The following CADM1 variants were observed in gnomAD, a reference collection of about 807,000 sequenced individuals.
The protein encoded by CADM1 is cell adhesion molecule 1.
CADM1 carries 15 observed loss-of-function variants against 53.1 expected under a neutral mutation model. That is an observed-to-expected ratio of 0.28 (90% CI 0.19 to 0.44). The LOEUF (loss-of-function observed/expected upper bound fraction) is 0.44, where lower values mean the gene tolerates loss of function less well. Among genes scored for constraint, CADM1 ranks in the 20% least tolerant of loss-of-function variants. CADM1 has a pLI of 1.00. For missense variants in CADM1, 434 were observed against 611.3 expected, an observed-to-expected ratio of 0.71 and a Z score of 3.06; for synonymous variants, 281 against 243.0, an observed-to-expected ratio of 1.16 and a Z score of -1.45.
chr11:115,431,151 A>G (rs563861342), intron 1 of CADM1, among the ~76,000 whole-genome samples: 2 of 152,328 alleles, frequency 1.3e-5, no homozygotes, highest in South Asian at 4.1e-4. Flanking sequence ...AAACTGGAAA[A>G]CAGATTGACA....
chr11:115,443,454 A>T (rs1205957722), intron 1 of CADM1, among the ~76,000 whole-genome samples: 1 of 152,204 alleles, frequency 6.6e-6, no homozygotes, highest in Non-Finnish European at 1.5e-5. Flanking sequence ...AATGGTTCCA[A>T]TCACAGCATT....
intron 1 of CADM1, among the ~76,000 whole-genome samples, chr11:115,438,726 A>T (rs1453970775): frequency 1.3e-5 from 2 of 152,122 alleles, no homozygotes; most frequent in Non-Finnish European, 2.9e-5. Context: ...TGATCAAAAA[A>T]AAAGGTCCAT....
chr11:115,341,939 T>C (rs376892397), intron 1 of CADM1, among the ~76,000 whole-genome samples: 1 of 152,310 alleles, frequency 6.6e-6, no homozygotes, highest in Non-Finnish European at 1.5e-5. Context: ...CACATTATTA[T>C]ACAAACTGGA....
chr11:115,378,096 T>C (rs1435571631), intron 1 of CADM1, among the ~76,000 whole-genome samples: 2 of 152,152 alleles, frequency 1.3e-5, no homozygotes, highest in Non-Finnish European at 2.9e-5. Context: ...CCTCAGACTA[T>C]TTCCATCAAT....
At chr11:115,240,507 T>C in intron 1 of CADM1, 87 bp from the exon 2 acceptor site, 1 of 1,383,622 alleles carries the variant, frequency 7.2e-7, no homozygotes, top group Non-Finnish European at 1.0e-6. Flanking sequence ...GAACTAGGCA[T>C]ATTAGAAAAT....
rs77073251 is a variant in CADM1 at position 115,176,360 on chromosome 11, C to A, written c.*114G>T. ...AATCCCAAGCCTTCCCAGTCTCACA[C>A]CTTTCCACCCATTCATAAAAAAACA... On this transcript the variant is annotated 3_prime_UTR_variant, in exon 12 of 12. Coordinates refer to ENST00000331581, the MANE Select transcript of CADM1 (RefSeq NM_001301043.2). 3,529 of 1,591,958 alleles carry A rather than the reference C, an allele frequency of 2.2e-3. 59 individuals are homozygous for A. In the East Asian group the frequency reaches 0.032, roughly 14 times the overall value.
At chr11:115,239,688 C>T (rs1378418002) in intron 2 of CADM1, among the ~76,000 whole-genome samples, 4 of 150,638 alleles carry the variant, frequency 2.7e-5, no homozygotes, top group Non-Finnish European at 4.4e-5. Context: ...GGTTAGGCAC[C>T]GATGCTCTCC....
chr11:115,492,932 T>TACACACACACAC (rs57800253), intron 1 of CADM1, among the ~76,000 whole-genome samples: 24 of 146,840 alleles, frequency 1.6e-4, no homozygotes, highest in African/African-American at 4.8e-4. Flanking sequence ...GGATATTTTA[T>TACACACACACAC]ACACACACAC....
intron 1 of CADM1, among the ~76,000 whole-genome samples, chr11:115,356,707 A>G (rs1431426135): frequency 6.6e-6 from 1 of 152,224 alleles, no homozygotes; most frequent in Non-Finnish European, 1.5e-5. Context: ...ACCTAATAGT[A>G]TATGAGAAAT....
chr11:115,411,195 G>C (rs1947452016), intron 1 of CADM1, among the ~76,000 whole-genome samples: 1 of 152,186 alleles, frequency 6.6e-6, no homozygotes, highest in Admixed American at 6.5e-5. Context: ...TAGAGGATTT[G>C]CATAAAACTT....
intron 1 of CADM1, among the ~76,000 whole-genome samples, chr11:115,338,807 G>T (rs968401363): frequency 1.3e-5 from 2 of 151,642 alleles, no homozygotes; most frequent in African/African-American, 4.8e-5. Context: ...GACTGCAAGT[G>T]CTATATGCTT....
chr11:115,444,366 A>G (rs189397625), intron 1 of CADM1, among the ~76,000 whole-genome samples: 50 of 152,322 alleles, frequency 3.3e-4, no homozygotes, highest in African/African-American at 1.1e-3. Context: ...AATGGCTCCA[A>G]CATTCCACCT....
At chr11:115,176,740 G>A (rs1277960013) in intron 11 of CADM1, 148 bp from the exon 12 acceptor site, 3 of 746,936 alleles carry the variant, frequency 4.0e-6, no homozygotes, top group East Asian at 2.6e-5. Flanking sequence ...AGAGAGCGGG[G>A]TGGGTGAGAC....
intron 1 of CADM1, among the ~76,000 whole-genome samples, chr11:115,433,616 A>T (rs1225830182): frequency 6.6e-6 from 1 of 152,216 alleles, no homozygotes; most frequent in Non-Finnish European, 1.5e-5. Context: ...ATCCTCAATC[A>T]CATACAGAAA....
intron 1 of CADM1, among the ~76,000 whole-genome samples, chr11:115,270,722 C>T (rs1235716974): frequency 6.6e-6 from 1 of 152,208 alleles, no homozygotes; most frequent in Non-Finnish European, 1.5e-5. Flanking sequence ...CTCACCCCCA[C>T]TCCCAATAAA....
intron 1 of CADM1, among the ~76,000 whole-genome samples, chr11:115,248,182 T>C (rs528156894): frequency 1.7e-4 from 26 of 152,360 alleles, no homozygotes; most frequent in African/African-American, 6.3e-4. Context: ...GTCCAACTTC[T>C]ATTTACATAC....
At chr11:115,328,668 A>ATATATATATGTG (rs1565367772) in intron 1 of CADM1, among the ~76,000 whole-genome samples, 1 of 117,886 alleles carries the variant, frequency 8.5e-6, no homozygotes, top group African/African-American at 3.1e-5. Context: ...CACGCACACT[A>ATATATATATGTG]TATATATATG....
Position 115,388,122 on chromosome 11 carries a change from A to G in CADM1, c.124+116149T>C, listed in dbSNP as rs550958210. On this transcript the variant is annotated intron_variant, in intron 1 of 11. Coordinates refer to ENST00000331581, the MANE Select transcript of CADM1 (RefSeq NM_001301043.2). The stretch of plus-strand genomic sequence containing the variant: ...CAATTAAATCTAGGACAATTTGAGC[A>G]CCAAAATAATTAAGAAAAGTAGTGA... Among the ~76,000 whole-genome samples the G allele has an allele frequency of 6.6e-5, 10 of 152,248 alleles. No individual in the cohort carries two copies. The South Asian group carries it at 2.1e-3, about 32-fold the overall frequency.
chr11:115,353,695 T>C (rs1364621863), intron 1 of CADM1, among the ~76,000 whole-genome samples: 1 of 152,136 alleles, frequency 6.6e-6, no homozygotes, highest in Non-Finnish European at 1.5e-5. Flanking sequence ...CCAATCCAGC[T>C]TTTATCAGAG....
Sources: gnomAD v4.1 joint callset for allele counts (sites outside exome capture counted in the v4.1 genomes callset) on GRCh38, gnomAD v4.1.1 for gene constraint, MANE v1.5 for transcripts, NCBI Gene and HGNC (gene_info 2026-07-23, HGNC 2026-07-21) for gene names.